TANC1: variants seen among roughly 807,000 people sequenced by gnomAD.
TANC1 encodes the protein tetratricopeptide repeat, ankyrin repeat and coiled-coil containing 1.
Under a neutral mutation model 149.7 loss-of-function variants are expected in TANC1, and 77 were observed. The observed-to-expected ratio is 0.51, with a 90% CI of 0.43 to 0.62. The LOEUF is 0.62. Among genes scored for constraint, TANC1 ranks in the 20% least tolerant of loss-of-function variants. The pLI is 0.00. For missense variants in TANC1, 1,985 were observed against 2,321.8 expected (o/e 0.85, Z 2.98); for synonymous variants, 854 against 925.0 (o/e 0.92, Z 1.39).
chr2:159,091,973 T>TTG (rs2045601420), intron 3 of TANC1, among the ~76,000 whole-genome samples: 1 of 145,716 alleles, frequency 6.9e-6, no homozygotes, highest in Non-Finnish European at 1.5e-5. Context: ...GGGGGGGGTG[T>TTG]GTGTGTGTAT....
chr2:159,107,521 G>A (rs1210008813), intron 4 of TANC1, among the ~76,000 whole-genome samples: 1 of 152,162 alleles, frequency 6.6e-6, no homozygotes, highest in African/African-American at 2.4e-5. Flanking sequence ...ATTTTCTTGT[G>A]TGATGTGAAG....
chr2:159,050,270 A>G (rs1337134699), intron 2 of TANC1, among the ~76,000 whole-genome samples: 1 of 152,140 alleles, frequency 6.6e-6, no homozygotes, highest in Non-Finnish European at 1.5e-5. Flanking sequence ...ACTCCCAGCT[A>G]ATTAAAAAAA....
At chr2:159,229,435 A>T in intron 26 of TANC1, 143 bp from the exon 27 acceptor site, 2 of 685,990 alleles carry the variant, frequency 2.9e-6, no homozygotes, top group Non-Finnish European at 2.4e-6. Context: ...TGGGCTGGTT[A>T]AGTGGGTCCT....
intron 1 of TANC1, among the ~76,000 whole-genome samples, chr2:158,986,005 A>G (rs2034965982): frequency 6.6e-6 from 1 of 151,974 alleles, no homozygotes; most frequent in Non-Finnish European, 1.5e-5. Context: ...CTGTTTGGAG[A>G]TTTGACTATC....
chr2:158,971,466 A>C (rs2032868841), intron 1 of TANC1, among the ~76,000 whole-genome samples: 1 of 152,194 alleles, frequency 6.6e-6, no homozygotes, highest in African/African-American at 2.4e-5. Flanking sequence ...AAAATAAAGA[A>C]GAGTGTTTAT....
At position 159,130,405 on chromosome 2, in the gene TANC1, C is replaced by T. The variant is rs3732286; in HGVS notation, c.260-5789C>T. ...GGAAGGTGCTGGGCAGTAGTTTTCC[C>T]TGAGTGAGGGCTTGGGGAGATGGAT... On this transcript the variant is annotated intron_variant, in intron 4 of 26. Transcript: ENST00000263635. Among the ~76,000 whole-genome samples, 48 of 152,228 alleles carry T rather than the reference C, an allele frequency of 3.2e-4. 1 individual carries two copies. The East Asian group carries it at 8.7e-3, about 28-fold the overall frequency.
At chr2:159,057,124 CCTT>C (rs1336119163) in intron 2 of TANC1, among the ~76,000 whole-genome samples, 1 of 151,948 alleles carries the variant, frequency 6.6e-6, no homozygotes, top group Non-Finnish European at 1.5e-5. Context: ...CTGAGAATCT[CCTT>C]CTGTTGCCCA....
Position 159,231,990 on chromosome 2 carries a change from T to C in TANC1, c.*978T>C, listed in dbSNP as rs2060348817. 6.6e-6 allele frequency: 1 copy of C among 152,626 alleles called. No individual in the cohort carries two copies. The highest frequency in any genetic ancestry group is 1.5e-5 in the Non-Finnish European group (1 of 68,034). The allele number at this position is 152,626 out of a possible 1,614,324, so 9.5% of individuals were successfully genotyped here. A position where few individuals can be genotyped will look rare whatever the true frequency, so the allele number is the denominator to read the frequency against. ...GCCCAGTTTTATTCAGACTTGTAAA[T>C]AGAACTATTTCAATGTAGTTAATCT... On this transcript the variant is annotated 3_prime_UTR_variant, in exon 27 of 27. Coordinates refer to ENST00000263635, the MANE Select transcript of TANC1 (RefSeq NM_033394.3).
At chr2:159,075,413 A>C (rs1266553196) in intron 3 of TANC1, among the ~76,000 whole-genome samples, 7 of 111,830 alleles carry the variant, frequency 6.3e-5, no homozygotes, top group Admixed American at 5.9e-4. Context: ...TAAAAAAAAA[A>C]AACAAAAAAA....
chr2:159,198,536 T>C (rs910312598), intron 18 of TANC1, among the ~76,000 whole-genome samples: 2 of 152,240 alleles, frequency 1.3e-5, no homozygotes, highest in Admixed American at 1.3e-4. Context: ...AAAAGAATAA[T>C]GCTACCAGCA....
In TANC1 at chr2:159,225,709, C is replaced by T; in HGVS notation, c.3833C>T (p.Ala1278Val). 1.9e-6 allele frequency: 3 copies of T among 1,613,982 alleles called. No individual in the cohort carries two copies. The highest frequency in any genetic ancestry group is 1.7e-5 in the Admixed American group (1 of 60,024). The stretch of plus-strand genomic sequence containing the variant: ...GCAGGAAATGCTGCTTGGGCGATGG[C>T]CACTTCCAAACCTGATATCTTGATT... The part of the protein sequence containing the change: ...AKLGNAAWAM[A>V]TSKPDILIIL... The change falls in exon 24 of 27, where the codon GCC (alanine) becomes GTC (valine). Residue 1278 changes from alanine to valine, a missense_variant. Physicochemically the swap from Ala to Val is moderately conservative, Grantham distance 64 (BLOSUM62 0). Coordinates refer to ENST00000263635, the MANE Select transcript of TANC1 (RefSeq NM_033394.3).
intron 17 of TANC1, among the ~76,000 whole-genome samples, chr2:159,195,411 C>T (rs562037205): frequency 3.9e-4 from 60 of 152,298 alleles, no homozygotes; most frequent in Non-Finnish European, 6.9e-4. Flanking sequence ...TGAGCCACCA[C>T]GTCTGGCCAG....
At chr2:159,181,289 T>C (rs1279372730) in intron 14 of TANC1, among the ~76,000 whole-genome samples, 1 of 151,694 alleles carries the variant, frequency 6.6e-6, no homozygotes, top group Non-Finnish European at 1.5e-5. Flanking sequence ...TATACCCTCA[T>C]TGGATTTTTT....
At chr2:159,135,433 G>A (rs561605982) in intron 4 of TANC1, among the ~76,000 whole-genome samples, 9 of 152,374 alleles carry the variant, frequency 5.9e-5, no homozygotes, top group African/African-American at 2.2e-4. Context: ...GAACTGCAGG[G>A]CCATGTAGTA....
intron 1 of TANC1, among the ~76,000 whole-genome samples, chr2:158,969,821 C>G (rs1453143222): frequency 6.6e-6 from 1 of 152,234 alleles, no homozygotes; most frequent in African/African-American, 2.4e-5. Context: ...CGGCAACGGC[C>G]TTCTCCCAGC....
At chr2:159,018,101 G>T (rs543646630) in intron 2 of TANC1, among the ~76,000 whole-genome samples, 322 of 152,286 alleles carry the variant, frequency 2.1e-3, no homozygotes, top group African/African-American at 7.2e-3. Flanking sequence ...TGCTTGGCAG[G>T]AAGGCTTCCA....
At chr2:159,228,428 C>CTT (rs11411035) in intron 25 of TANC1, 76 of 247,396 alleles carry the variant, frequency 3.1e-4, no homozygotes, top group Middle Eastern at 1.3e-3. Context: ...TACTTCCTAC[C>CTT]TTTTTTTTAA....
At position 159,097,704 on chromosome 2, in the gene TANC1, C is replaced by G. The variant is rs767130730; in HGVS notation, c.129C>G (p.Ser43Arg). ...HLDHSADSPV[S>R]SLPTAEDTYR... ...ACCACAGTGCTGACTCTCCTGTGAG[C>G]AGTCTTCCCACAGCAGAGGACACCT... is the stretch of plus-strand genomic sequence containing the variant. Residue 43 changes from serine (S) to arginine (R), a missense_variant, in exon 4 of 27, where the codon AGC (serine) becomes AGG (arginine). By Grantham distance (110) the Ser-to-Arg change is moderately radical. Around this residue, in one of 3 missense-constraint regions of TANC1, gnomAD observed 557 missense variants for 612.9 expected, o/e 0.91. Coordinates refer to ENST00000263635, the MANE Select transcript of TANC1 (RefSeq NM_033394.3). The G allele has an allele frequency of 6.2e-7, 1 of 1,614,112 alleles. No individual in the cohort carries two copies.
chr2:159,157,813 T>TAA (rs1409614943), intron 7 of TANC1, among the ~76,000 whole-genome samples: 1 of 152,232 alleles, frequency 6.6e-6, no homozygotes, highest in Non-Finnish European at 1.5e-5. Flanking sequence ...GTTTGCTTTT[T>TAA]AAGTGCTACT....
Sources: gnomAD v4.1 joint callset for allele counts (sites outside exome capture counted in the v4.1 genomes callset) on GRCh38, gnomAD v4.1.1 for gene constraint, gnomAD v4.1.1 regional missense constraint, MANE v1.5 for transcripts, NCBI Gene and HGNC (gene_info 2026-07-23, HGNC 2026-07-21) for gene names.